EXOSC2: variants seen among roughly 807,000 people sequenced by gnomAD.
The protein encoded by EXOSC2 is exosome complex component RRP4.
In EXOSC2, 29 loss-of-function variants were observed where a neutral mutation model predicts 37.6. The ratio of observed to expected loss-of-function variants is 0.77; its 90% confidence interval spans 0.57 to 1.05. EXOSC2 has a LOEUF of 1.05. EXOSC2 is among the 50% of genes least tolerant of loss of function. The pLI is 0.00. For missense variants in EXOSC2, 346 were observed against 365.6 expected (o/e 0.95, Z 0.44); for synonymous variants, 119 against 131.1 (o/e 0.91, Z 0.63).
In EXOSC2 at chr9:130,693,953, G is replaced by T. The variant is rs576534270; in HGVS notation, c.122+40G>T. 5.1e-6 allele frequency: 8 copies of T among 1,564,410 alleles called. No individual in the cohort carries two copies. In the South Asian group the frequency reaches 9.2e-5, roughly 18 times the overall value. On this transcript the variant is annotated intron_variant, in intron 1 of 8. Coordinates refer to ENST00000372358, the MANE Select transcript of EXOSC2 (RefSeq NM_014285.7). ...GGGGGAGTCGAGGCTTCAGAGAGCG[G>T]CTTCAGGGCTCTCTGCACGTGGTCC...
At chr9:130,703,471 A>T (rs1439312755) in intron 8 of EXOSC2, among the ~76,000 whole-genome samples, 1 of 152,344 alleles carries the variant, frequency 6.6e-6, no homozygotes, top group Non-Finnish European at 1.5e-5. Context: ...CAGCTTTTGG[A>T]TGAATGTCAG....
chr9:130,701,857 C>A, intron 6 of EXOSC2: 1 of 1,187,354 alleles, frequency 8.4e-7, no homozygotes, highest in Non-Finnish European at 1.0e-6. Context: ...TCTCTAATGT[C>A]TGGCACATGA....
chr9:130,700,790 G>A (rs1383537996), intron 5 of EXOSC2, 77 bp from the exon 6 acceptor site: 3 of 1,350,340 alleles, frequency 2.2e-6, no homozygotes, highest in Admixed American at 3.5e-5. Context: ...GGAGGTGTGG[G>A]GTCAAGGGGA....
In EXOSC2 at chr9:130,703,871, TC is replaced by T; in HGVS notation, c.*100del. ...GGCTCAGCAAAGACTCGAGAGATCA[TC>T]CCTTTGTCTGCATTGACGGCCCTGT... is the stretch of plus-strand genomic sequence containing the variant. On this transcript the variant is annotated 3_prime_UTR_variant, in exon 9 of 9. Transcript: ENST00000372358. 8 of 996,028 alleles carry T rather than the reference TC, an allele frequency of 8.0e-6. No individual in the cohort carries two copies. The highest frequency in any genetic ancestry group is 1.2e-5 in the Non-Finnish European group (8 of 670,428). 61.7% of individuals were successfully genotyped at this position (996,028 alleles called of 1,614,324 possible).
Position 130,698,307 on chromosome 9 carries a change from G to A in EXOSC2, c.360+56G>A. 2 of 1,518,650 alleles carry A rather than the reference G, an allele frequency of 1.3e-6. No homozygotes were observed. Among genetic ancestry groups the A allele is most frequent in the Admixed American group, 1.7e-5 (1 of 58,750 alleles). The allele number at this position is 1,518,650 out of a possible 1,614,324, so 94.1% of individuals were successfully genotyped here. ...GGCCCAGTGGGCTGGGGGGAGCCGT[G>A]GGACCCTTTGTTCCACCAGAGGACT... is the stretch of plus-strand genomic sequence containing the variant. On this transcript the variant is annotated intron_variant, in intron 4 of 8. Coordinates refer to ENST00000372358, the MANE Select transcript of EXOSC2 (RefSeq NM_014285.7). The surrounding 1 kb of genome is among the most constrained non-coding windows in gnomAD (Gnocchi z 4.1).
rs762495185 is a variant in EXOSC2 at position 130,693,875 on chromosome 9, G to A, written c.84G>A (p.Val28=). 1.2e-6 allele frequency: 2 copies of A among 1,612,356 alleles called. No homozygotes were observed. Among genetic ancestry groups the A allele is most frequent in the South Asian group, 2.2e-5 (2 of 91,020 alleles). Residue 28 remains valine, a synonymous_variant, in exon 1 of 9, where the codon GTG becomes GTA. Transcript: ENST00000372358. ...GCGACACTAAGAAACATCTAGTGGT[G>A]CCGGGGGATACAATCACTACGGACA... is the stretch of plus-strand genomic sequence containing the variant. ...LGRDTKKHLV[V]PGDTITTDTG...
chr9:130,702,702 C>G (rs1393568764), intron 7 of EXOSC2, among the ~76,000 whole-genome samples: 1 of 152,178 alleles, frequency 6.6e-6, no homozygotes, highest in African/African-American at 2.4e-5. Flanking sequence ...TCAAGTGATT[C>G]TCCTGCCTCA....
chr9:130,701,766 G>A (rs995237454), intron 6 of EXOSC2: 1 of 925,714 alleles, frequency 1.1e-6, no homozygotes, highest in Middle Eastern at 5.5e-4. Context: ...TTGGGGTTCA[G>A]GTATGAGCTA....
chr9:130,694,631 T>C lies in EXOSC2; in HGVS notation c.122+718T>C, dbSNP rs1831051730. Among the ~76,000 whole-genome samples the C allele has an allele frequency of 6.6e-6, 1 of 152,204 alleles. No individual in the cohort carries two copies. The highest frequency in any genetic ancestry group is 6.5e-5 in the Admixed American group (1 of 15,278). On this transcript the variant is annotated intron_variant, in intron 1 of 8. Transcript: ENST00000372358. This position sits in a 1 kb window ranked among gnomAD's most constrained non-coding sequence, Gnocchi z 4.0. ...CTAGTGTTTCAACCTTTATTATTAT[T>C]ATTTTTTTACTTGTATATGTACAAG...
chr9:130,701,544 A>T (rs1831215663), intron 6 of EXOSC2: 1 of 980,422 alleles, frequency 1.0e-6, no homozygotes, highest in Non-Finnish European at 1.2e-6. Context: ...TCTTCCCTTA[A>T]TGGAGTGGCT....
At chr9:130,700,110 C>T (rs1831180894) in intron 5 of EXOSC2, among the ~76,000 whole-genome samples, 2 of 152,004 alleles carry the variant, frequency 1.3e-5, no homozygotes, top group South Asian at 4.1e-4. Flanking sequence ...ACTGCAACGT[C>T]CGCCTCTTGG....
At chr9:130,703,298 C>A in intron 8 of EXOSC2, 117 bp downstream of exon 8, 1 of 1,167,564 alleles carries the variant, frequency 8.6e-7, no homozygotes, top group Non-Finnish European at 1.2e-6. Flanking sequence ...TATGAACTGG[C>A]CTGAAACAGC....
Position 130,704,035 on chromosome 9 carries a change from T to A in EXOSC2, c.*261T>A. 1 of 307,068 alleles carries A rather than the reference T, an allele frequency of 3.3e-6. No individual in the cohort carries two copies. The highest frequency in any genetic ancestry group is 6.0e-6 in the Non-Finnish European group (1 of 166,758). The allele number at this position is 307,068 out of a possible 1,614,324, so 19.0% of individuals were successfully genotyped here. On this transcript the variant is annotated 3_prime_UTR_variant, in exon 9 of 9. Transcript: ENST00000372358. Reference sequence around the variant, plus strand: ...TCAGCTCTTTCAAAGTGCACAGTGTTACAGTCGAATGGGCTCCCATCCTGG... The same window carrying A: ...TCAGCTCTTTCAAAGTGCACAGTGTAACAGTCGAATGGGCTCCCATCCTGG...
At chr9:130,700,165 G>A (rs565209652) in intron 5 of EXOSC2, among the ~76,000 whole-genome samples, 18 of 151,574 alleles carry the variant, frequency 1.2e-4, no homozygotes, top group South Asian at 1.0e-3. Context: ...TAGGATTACC[G>A]GCGTGCGTCA....
At position 130,700,847 on chromosome 9, in the gene EXOSC2, T is replaced by G. The variant is rs753001242; in HGVS notation, c.427-20T>G. On this transcript the variant is annotated intron_variant, in intron 5 of 8. Transcript: ENST00000372358. ...GTGTGTGGCCAAGGCTGCTGTTTGT[T>G]CCTTCATCACCCTGGCCAGGCTGAG... The G allele has an allele frequency of 3.1e-6, 5 of 1,613,650 alleles. No individual in the cohort carries two copies. The highest frequency in any genetic ancestry group is 4.5e-5 in the East Asian group (2 of 44,856).
At chr9:130,695,760 T>A (rs1171203751) in intron 2 of EXOSC2, among the ~76,000 whole-genome samples, 167 bp downstream of exon 2, 1 of 152,032 alleles carries the variant, frequency 6.6e-6, no homozygotes, top group African/African-American at 2.4e-5. Context: ...AGTGCAGGCT[T>A]CAGAGGTTTC....
chr9:130,700,868 C>T lies in EXOSC2; in HGVS notation c.428C>T (p.Ala143Val). 1 of 1,613,958 alleles carries T rather than the reference C, an allele frequency of 6.2e-7. No individual in the cohort carries two copies. Among genetic ancestry groups the T allele is most frequent in the Non-Finnish European group, 8.5e-7 (1 of 1,179,936 alleles). ...GFLQEGDLIS[A>V]EVQAVFSDGA... is the part of the protein sequence containing the mutation. Reference sequence around the variant, plus strand: ...TTGTTCCTTCATCACCCTGGCCAGGCTGAGGTCCAGGCAGTGTTCTCTGAC... The same window carrying T: ...TTGTTCCTTCATCACCCTGGCCAGGTTGAGGTCCAGGCAGTGTTCTCTGAC... Residue 143 changes from alanine (A) to valine (V), a missense_variant and splice_region_variant, in exon 6 of 9, where the codon GCT (alanine) becomes GTT (valine). Transcript: ENST00000372358.
rs1293827698 is a variant in EXOSC2 at position 130,700,356 on chromosome 9, TA to T, written c.427-510del. Among the ~76,000 whole-genome samples the T allele has an allele frequency of 3.6e-3, 536 of 148,052 alleles. 1 individual carries two copies. Among genetic ancestry groups the T allele is most frequent in the Middle Eastern group, 0.025 (7 of 284 alleles). On this transcript the variant is annotated intron_variant, in intron 5 of 8. Coordinates refer to ENST00000372358, the MANE Select transcript of EXOSC2 (RefSeq NM_014285.7). The stretch of plus-strand genomic sequence containing the variant: ...TTATTTATTTATTTATTTATTTATT[TA>T]TTTATTTATTTATTTTTTTGAGACG...
rs1004392240 is a variant in EXOSC2, at chr9:130,694,515, A to C, written c.122+602A>C. Among the ~76,000 whole-genome samples the C allele has an allele frequency of 2.0e-5, 3 of 152,186 alleles. No individual in the cohort carries two copies. The highest frequency in any genetic ancestry group is 7.2e-5 in the African/African-American group (3 of 41,428). On this transcript the variant is annotated intron_variant, in intron 1 of 8. Coordinates refer to ENST00000372358, the MANE Select transcript of EXOSC2 (RefSeq NM_014285.7). The surrounding 1 kb of genome is among the most constrained non-coding windows in gnomAD (Gnocchi z 4.0). ...CAGTTTCCTCATCTGTAAGATAGTGATAATAACAGTATGATACGGTAATGA... is the reference window on the plus strand; with the variant it reads ...CAGTTTCCTCATCTGTAAGATAGTGCTAATAACAGTATGATACGGTAATGA...
Sources: allele counts gnomAD v4.1 joint callset (sites outside exome capture counted in the v4.1 genomes callset), GRCh38; gene constraint gnomAD v4.1.1; non-coding constraint Gnocchi (gnomAD v3.1); transcripts MANE v1.5; gene names NCBI Gene and HGNC (gene_info 2026-07-23, HGNC 2026-07-21).